ZNF385B: variants seen among roughly 807,000 people sequenced by gnomAD.
ZNF385B encodes the protein zinc finger protein 385B, also known as zinc finger protein 533.
In ZNF385B, 23 loss-of-function variants were observed where a neutral mutation model predicts 39.2. The ratio of observed to expected loss-of-function variants is 0.59; its 90% CI spans 0.42 to 0.83. The LOEUF is 0.83. Among genes scored for constraint, ZNF385B ranks in the 40% least tolerant of loss-of-function variants. ZNF385B has a pLI of 0.00. For missense variants in ZNF385B, 552 were observed against 598.9 expected (o/e 0.92, Z 0.82); for synonymous variants, 205 against 222.6 (o/e 0.92, Z 0.70).
intron 3 of ZNF385B, among the ~76,000 whole-genome samples, chr2:179,608,385 A>G (rs779924388): frequency 2.9e-4 from 44 of 152,180 alleles, no homozygotes; most frequent in Non-Finnish European, 5.4e-4. Context: ...TTTGGTGGAA[A>G]TCTTCCTTGC....
chr2:179,796,964 T>C (rs2106548238), intron 1 of ZNF385B, among the ~76,000 whole-genome samples: 1 of 152,222 alleles, frequency 6.6e-6, no homozygotes, highest in Admixed American at 6.5e-5. Flanking sequence ...AGCAAGATAA[T>C]ACATGTAAAG....
intron 1 of ZNF385B, among the ~76,000 whole-genome samples, chr2:179,808,829 A>T (rs953987724): frequency 1.1e-4 from 16 of 152,344 alleles, no homozygotes; most frequent in African/African-American, 3.1e-4. Context: ...TTGCAAAAAA[A>T]CAACAAAACA....
intron 3 of ZNF385B, among the ~76,000 whole-genome samples, chr2:179,723,135 G>C (rs1193462079): frequency 6.6e-6 from 1 of 151,990 alleles, no homozygotes; most frequent in Non-Finnish European, 1.5e-5. Flanking sequence ...TATAACTTAG[G>C]GAAATACTTT....
chr2:179,547,921 A>T (rs748900032), intron 3 of ZNF385B, among the ~76,000 whole-genome samples: 2 of 149,374 alleles, frequency 1.3e-5, no homozygotes, highest in Non-Finnish European at 3.0e-5. Context: ...CATAGTTTTC[A>T]TTGTAGAGAT....
rs1225637806 is a variant in ZNF385B at position 179,861,517 on chromosome 2, T to G, written c.-571A>C. Reference sequence around the variant, plus strand: ...GGGTTTGGACGTGCCAACGCCACTCTCGCGCGCCGAAGCTGTGACGGTTTA... The same window carrying G: ...GGGTTTGGACGTGCCAACGCCACTCGCGCGCGCCGAAGCTGTGACGGTTTA... On this transcript the variant is annotated 5_prime_UTR_variant, in exon 1 of 10. Coordinates refer to ENST00000410066, the MANE Select transcript of ZNF385B (RefSeq NM_152520.6). The G allele has an allele frequency of 2.0e-5, 3 of 152,068 alleles. No individual in the cohort carries two copies. The highest frequency in any genetic ancestry group is 7.3e-5 in the African/African-American group (3 of 41,372). 9.4% of individuals were successfully genotyped at this position (152,068 alleles called of 1,614,324 possible).
At chr2:179,491,956 C>T (rs1466202681) in intron 5 of ZNF385B, among the ~76,000 whole-genome samples, 1 of 152,138 alleles carries the variant, frequency 6.6e-6, no homozygotes, top group Admixed American at 6.6e-5. Flanking sequence ...CTGCCTTGCC[C>T]TCCTAAAGCG....
Position 179,760,050 on chromosome 2 carries a change from A to ATT in ZNF385B, c.298+9451_298+9452dup, listed in dbSNP as rs11435978. 3.1e-3 allele frequency among the ~76,000 whole-genome samples: 449 copies of ATT among 145,032 alleles called. 4 individuals are homozygous for ATT. Among genetic ancestry groups the ATT allele is most frequent in the East Asian group, 0.01 (51 of 4,962 alleles). ...TGCCCAGCTTCTACCCATAGTAAAA[A>ATT]TTTTTTTTTTTTTTTTGAGACGGAG... On this transcript the variant is annotated intron_variant, in intron 3 of 9. Coordinates refer to ENST00000410066, the MANE Select transcript of ZNF385B (RefSeq NM_152520.6).
intron 3 of ZNF385B, among the ~76,000 whole-genome samples, chr2:179,728,135 C>T (rs183070839): frequency 3.3e-5 from 5 of 152,166 alleles, no homozygotes; most frequent in East Asian, 3.9e-4. Flanking sequence ...GAATAAAATG[C>T]ATATGATTAA....
intron 3 of ZNF385B, among the ~76,000 whole-genome samples, chr2:179,649,578 G>A (rs1156828266): frequency 2.6e-5 from 4 of 152,006 alleles, no homozygotes; most frequent in Non-Finnish European, 4.4e-5. Context: ...CTATGAAAAA[G>A]GCTACAAGAT....
chr2:179,508,337 A>G (rs536527267), intron 5 of ZNF385B, among the ~76,000 whole-genome samples: 84 of 152,366 alleles, frequency 5.5e-4, no homozygotes, highest in Non-Finnish European at 8.8e-4. Flanking sequence ...AACCACAAAT[A>G]TATAATGAAA....
At chr2:179,769,395 G>T in intron 3 of ZNF385B, 108 bp downstream of exon 3, 1 of 1,490,610 alleles carries the variant, frequency 6.7e-7, no homozygotes, top group Non-Finnish European at 9.0e-7. Flanking sequence ...ATGTTATCAT[G>T]GTAGCCCAGT....
intron 3 of ZNF385B, among the ~76,000 whole-genome samples, chr2:179,565,738 T>A (rs944505078): frequency 6.6e-6 from 1 of 152,190 alleles, no homozygotes; most frequent in African/African-American, 2.4e-5. Context: ...CCTTTTAAAT[T>A]CTCTCGATTT....
intron 1 of ZNF385B, among the ~76,000 whole-genome samples, chr2:179,851,343 T>C (rs577399235): frequency 1.1e-3 from 161 of 152,312 alleles, no homozygotes; most frequent in African/African-American, 3.7e-3. Context: ...CTAGCTACTT[T>C]GTAGGCTGAG....
At chr2:179,556,758 A>T (rs1391711989) in intron 3 of ZNF385B, among the ~76,000 whole-genome samples, 1 of 149,292 alleles carries the variant, frequency 6.7e-6, no homozygotes, top group Non-Finnish European at 1.5e-5. Context: ...CAAACAGAGG[A>T]ACTACGTGTT....
intron 3 of ZNF385B, among the ~76,000 whole-genome samples, chr2:179,553,519 A>G (rs1455421353): frequency 3.4e-5 from 5 of 148,952 alleles, no homozygotes; most frequent in Non-Finnish European, 7.4e-5. Flanking sequence ...TTATTAAATT[A>G]TAATGCAACT....
intron 1 of ZNF385B, among the ~76,000 whole-genome samples, chr2:179,838,500 C>A (rs1708369109): frequency 6.6e-6 from 1 of 152,200 alleles, no homozygotes; most frequent in Non-Finnish European, 1.5e-5. Context: ...GGTTACTATT[C>A]TTTGCTCCAC....
intron 1 of ZNF385B, among the ~76,000 whole-genome samples, chr2:179,778,661 A>G (rs1361958126): frequency 6.6e-6 from 1 of 152,246 alleles, no homozygotes; most frequent in African/African-American, 2.4e-5. Flanking sequence ...TACATAGCTT[A>G]GTATTATTTC....
At chr2:179,601,072 A>G (rs1688372056) in intron 3 of ZNF385B, among the ~76,000 whole-genome samples, 1 of 152,208 alleles carries the variant, frequency 6.6e-6, no homozygotes, top group Non-Finnish European at 1.5e-5. Context: ...AATGCATATA[A>G]CCCAGTTGGG....
intron 6 of ZNF385B, among the ~76,000 whole-genome samples, chr2:179,470,728 C>T (rs565552001): frequency 4.6e-5 from 7 of 152,208 alleles, no homozygotes; most frequent in African/African-American, 1.7e-4. Flanking sequence ...TGTGCTTTAC[C>T]GTATGAATTT....
Sources: gnomAD v4.1 joint callset for allele counts (sites outside exome capture counted in the v4.1 genomes callset) on GRCh38, gnomAD v4.1.1 for gene constraint, MANE v1.5 for transcripts, NCBI Gene and HGNC (gene_info 2026-07-23, HGNC 2026-07-21) for gene names.